Variants in ZFPM2 observed in about 807,000 individuals in gnomAD.
ZFPM2 encodes the protein zinc finger protein, FOG family member 2.
ZFPM2 carries 20 observed loss-of-function variants against 98.6 expected under a neutral mutation model. That is an observed-to-expected ratio of 0.20 (90% CI 0.14 to 0.29). The LOEUF (loss-of-function observed/expected upper bound fraction) is 0.29. Ranked by LOEUF, ZFPM2 falls within the 10% of genes least tolerant of loss-of-function variation. The pLI is 1.00. For synonymous variants in ZFPM2, 518 were observed against 502.7 expected, an observed-to-expected ratio of 1.03 and a Z score of -0.41; for missense variants, 1,310 against 1,388.6, an observed-to-expected ratio of 0.94 and a Z score of 0.90.
At chr8:105,382,401 A>G (rs528871829) in intron 1 of ZFPM2, among the ~76,000 whole-genome samples, 57 of 152,246 alleles carry the variant, frequency 3.7e-4, no homozygotes, top group Middle Eastern at 6.8e-3. Context: ...TGTATTTTCA[A>G]TATAGATTAT....
intron 4 of ZFPM2, among the ~76,000 whole-genome samples, chr8:105,590,419 C>T (rs1586483698): frequency 6.6e-6 from 1 of 152,182 alleles, no homozygotes; most frequent in Non-Finnish European, 1.5e-5. Flanking sequence ...GGTCATATTA[C>T]AACTTTATTA....
At chr8:105,494,792 A>G (rs1336454375) in intron 3 of ZFPM2, among the ~76,000 whole-genome samples, 1 of 152,158 alleles carries the variant, frequency 6.6e-6, no homozygotes, top group Non-Finnish European at 1.5e-5. Context: ...CAGGATTTGG[A>G]AACCTTTTTC....
chr8:105,645,990 T>G (rs1214465045), intron 5 of ZFPM2, among the ~76,000 whole-genome samples: 1 of 147,902 alleles, frequency 6.8e-6, no homozygotes, highest in Non-Finnish European at 1.5e-5. Context: ...GAGGCAGAGG[T>G]TGCAGTGAGC....
intron 5 of ZFPM2, among the ~76,000 whole-genome samples, chr8:105,666,154 TG>T (rs1023506894): frequency 8.5e-5 from 13 of 152,182 alleles, no homozygotes; most frequent in African/African-American, 2.7e-4. Context: ...ATTTCAGGGA[TG>T]GGGGCAGGTG....
chr8:105,507,188 T>A (rs1432038913), intron 3 of ZFPM2, among the ~76,000 whole-genome samples: 1 of 152,182 alleles, frequency 6.6e-6, no homozygotes, highest in Admixed American at 6.5e-5. Flanking sequence ...TTATCTAAGA[T>A]GAAAGAATAT....
intron 5 of ZFPM2, among the ~76,000 whole-genome samples, chr8:105,696,809 G>C (rs62525682): frequency 6.6e-6 from 1 of 152,018 alleles, no homozygotes; most frequent in Admixed American, 6.6e-5. Flanking sequence ...TTTTGAAGCA[G>C]GCTTGCATAC....
intron 3 of ZFPM2, among the ~76,000 whole-genome samples, chr8:105,486,574 C>T (rs1047806511): frequency 1.3e-5 from 2 of 152,154 alleles, no homozygotes; most frequent in Non-Finnish European, 2.9e-5. Context: ...TTTAGACTCA[C>T]TTCGGGATCC....
Position 105,801,563 on chromosome 8 carries a change from T to C in ZFPM2, c.1481T>C (p.Val494Ala), listed in dbSNP as rs1265380317. 6.2e-7 allele frequency: 1 copy of C among 1,613,926 alleles called. No homozygotes were observed. Among genetic ancestry groups the C allele is most frequent in the Non-Finnish European group, 8.5e-7 (1 of 1,179,860 alleles). ...VQPNIGPSFPVGPFLSQFSFP... is the reference protein window; with the variant it reads ...VQPNIGPSFPAGPFLSQFSFP... ...CCTAATATTGGGCCTTCTTTCCCTG[T>C]GGGCCCTTTCCTATCTCAGTTTTCT... The change falls in exon 8 of 8, where the codon GTG becomes GCG. Residue 494 changes from valine to alanine, a missense_variant. Transcript: ENST00000407775.
chr8:105,419,188 T>C lies in ZFPM2; in HGVS notation c.85T>C (p.Ser29Pro). The C allele has an allele frequency of 6.2e-7, 1 of 1,613,576 alleles. No homozygotes were observed. Among genetic ancestry groups the C allele is most frequent in the African/African-American group, 1.3e-5 (1 of 75,026 alleles). The change falls in exon 2 of 8, where the codon TCA (serine) becomes CCA (proline). Residue 29 changes from serine (S) to proline (P), a missense_variant. Transcript: ENST00000407775. ...TGAAGATGAGGAAGAAGAATGTCCA[T>C]CAGAGGAAACAGACATCATCTCCAA... ...AIEDEEEECP[S>P]EETDIISKGD... is the part of the protein sequence containing the mutation.
chr8:105,724,077 T>A (rs1381989805), intron 5 of ZFPM2, among the ~76,000 whole-genome samples: 3 of 151,970 alleles, frequency 2.0e-5, no homozygotes, highest in Non-Finnish European at 4.4e-5. Context: ...TTCTCTTTGC[T>A]TTAAGTTGTC....
chr8:105,442,262 T>C (rs1398075781), intron 2 of ZFPM2, among the ~76,000 whole-genome samples: 3 of 151,878 alleles, frequency 2.0e-5, no homozygotes, highest in Admixed American at 6.6e-5. Context: ...GAGAATGGCA[T>C]GAACTCAGGA....
intron 6 of ZFPM2, chr8:105,795,775 C>CA (rs1813786147): frequency 2.1e-6 from 1 of 485,654 alleles, no homozygotes; most frequent in African/African-American, 1.9e-5. Context: ...TCATATGACA[C>CA]AAAATCAGTC....
chr8:105,447,771 A>G (rs1243730330), intron 3 of ZFPM2, among the ~76,000 whole-genome samples: 1 of 152,052 alleles, frequency 6.6e-6, no homozygotes, highest in African/African-American at 2.4e-5. Context: ...TTTTTAAAAG[A>G]GTTTGATTGA....
chr8:105,679,544 G>A (rs1310193478), intron 5 of ZFPM2, among the ~76,000 whole-genome samples: 1 of 152,040 alleles, frequency 6.6e-6, no homozygotes, highest in African/African-American at 2.4e-5. Context: ...AACGTACTGG[G>A]TGAGAGTGGT....
intron 1 of ZFPM2, among the ~76,000 whole-genome samples, chr8:105,335,945 C>T (rs1293069634): frequency 3.3e-5 from 5 of 151,764 alleles, no homozygotes; most frequent in Non-Finnish European, 7.4e-5. Context: ...TGAGAAATAG[C>T]GTTGCAAGCT....
intron 1 of ZFPM2, among the ~76,000 whole-genome samples, chr8:105,339,982 A>C (rs1338872902): frequency 6.6e-6 from 1 of 151,900 alleles, no homozygotes; most frequent in Non-Finnish European, 1.5e-5. Flanking sequence ...TTGTTACAGG[A>C]TTTGAAAATA....
intron 3 of ZFPM2, among the ~76,000 whole-genome samples, chr8:105,480,703 A>G (rs1813097439): frequency 6.6e-6 from 1 of 151,918 alleles, no homozygotes. Flanking sequence ...TTATAACTGC[A>G]GGCAATATGT....
chr8:105,501,639 G>A (rs1349411592), intron 3 of ZFPM2, among the ~76,000 whole-genome samples: 1 of 150,870 alleles, frequency 6.6e-6, no homozygotes, highest in African/African-American at 2.4e-5. Flanking sequence ...GAGTAGCTGG[G>A]ACTACAGGCA....
At chr8:105,519,306 C>T (rs767574505) in intron 3 of ZFPM2, among the ~76,000 whole-genome samples, 1 of 151,994 alleles carries the variant, frequency 6.6e-6, no homozygotes, top group Non-Finnish European at 1.5e-5. Context: ...TTTTGATAAT[C>T]AAATATGGTA....
Sources: gnomAD v4.1 joint callset for allele counts (sites outside exome capture counted in the v4.1 genomes callset) on GRCh38, gnomAD v4.1.1 for gene constraint, MANE v1.5 for transcripts, NCBI Gene and HGNC (gene_info 2026-07-23, HGNC 2026-07-21) for gene names.